CTCF: variants seen among roughly 807,000 people sequenced by gnomAD.
CTCF encodes the protein CCCTC-binding factor.
CTCF carries 7 observed loss-of-function variants against 72.3 expected under a neutral mutation model. That is an observed-to-expected ratio of 0.10 (90% CI 0.06 to 0.18). The LOEUF is 0.18. Ranked by LOEUF, CTCF falls within the 10% of genes least tolerant of loss-of-function variation. The probability of loss-of-function intolerance (pLI) is 1.00; values close to 1 mark genes in which losing one functional copy is unlikely to be tolerated. For synonymous variants in CTCF, 374 were observed against 315.8 expected, an observed-to-expected ratio of 1.18 and a Z score of -1.95; for missense variants, 516 against 949.1, an observed-to-expected ratio of 0.54 and a Z score of 6.00.
In CTCF at chr16:67,628,345, G is replaced by A. The variant is rs778926714; in HGVS notation, c.1519-25G>A. On this transcript the variant is annotated intron_variant, in intron 8 of 11. Coordinates refer to ENST00000264010, the MANE Select transcript of CTCF (RefSeq NM_006565.4). ...CAGTAGCCCCATGAGCAGGCTCTGA[G>A]GCCTTTCCCCCTATGCCGTTTCAGG... The A allele has an allele frequency of 6.2e-6, 10 of 1,605,672 alleles. No individual in the cohort carries two copies. The East Asian group carries it at 1.8e-4, about 29-fold the overall frequency.
At chr16:67,615,686 CCACCAGACTATA>C (rs1697265156) in intron 4 of CTCF, 1 of 152,158 alleles carries the variant, frequency 6.6e-6, no homozygotes, top group African/African-American at 2.4e-5. Flanking sequence ...CTTATCCATA[CCACCAGACTATA>C]CACTTTCACA....
intron 2 of CTCF, among the ~76,000 whole-genome samples, chr16:67,590,709 C>A (rs528030508): frequency 6.6e-6 from 1 of 151,550 alleles, no homozygotes; most frequent in South Asian, 2.1e-4. Flanking sequence ...GTAATCCTAG[C>A]ACTTTGGGAG....
chr16:67,572,225 G>A (rs1265089792), intron 2 of CTCF, among the ~76,000 whole-genome samples: 1 of 152,188 alleles, frequency 6.6e-6, no homozygotes, highest in Non-Finnish European at 1.5e-5. Flanking sequence ...TGGGCAACTT[G>A]TTATCCTGCT....
Position 67,638,106 on chromosome 16 carries a change from G to T in CTCF, c.*234G>T. The T allele has an allele frequency of 2.0e-6, 1 of 505,310 alleles. No individual in the cohort carries two copies. The highest frequency in any genetic ancestry group is 3.5e-6 in the Non-Finnish European group (1 of 283,608). The allele number at this position is 505,310 out of a possible 1,614,324, so 31.3% of individuals were successfully genotyped here. A position where few individuals can be genotyped will look rare whatever the true frequency, so the allele number is the denominator to read the frequency against. On this transcript the variant is annotated 3_prime_UTR_variant, in exon 12 of 12. Transcript: ENST00000264010. ...TGAGTCCCTGAGGGTTTACTGTGAAGTGCTGAGGACAGTGTTGACAACTAA... is the reference window on the plus strand; with the variant it reads ...TGAGTCCCTGAGGGTTTACTGTGAATTGCTGAGGACAGTGTTGACAACTAA...
chr16:67,594,494 G>A (rs2051785985), intron 2 of CTCF, among the ~76,000 whole-genome samples: 1 of 151,940 alleles, frequency 6.6e-6, no homozygotes, highest in Non-Finnish European at 1.5e-5. Context: ...TGAGCCCAGG[G>A]GTTCGAGAAC....
chr16:67,603,600 G>A (rs897206263), intron 2 of CTCF, among the ~76,000 whole-genome samples: 10 of 151,738 alleles, frequency 6.6e-5, no homozygotes, highest in East Asian at 1.9e-4. Context: ...CAAGGCGGGC[G>A]GATCAGGAGG....
intron 3 of CTCF, 50 bp downstream of exon 3, chr16:67,611,663 C>G: frequency 6.6e-7 from 1 of 1,521,782 alleles, no homozygotes; most frequent in Non-Finnish European, 9.0e-7. Flanking sequence ...TTGGGATAAG[C>G]ATACAACACA....
At chr16:67,585,127 C>T (rs1350111203) in intron 2 of CTCF, among the ~76,000 whole-genome samples, 1 of 152,130 alleles carries the variant, frequency 6.6e-6, no homozygotes, top group Non-Finnish European at 1.5e-5. Context: ...CTCACTGCAA[C>T]CTCCTCCTGC....
intron 2 of CTCF, among the ~76,000 whole-genome samples, chr16:67,608,286 T>C (rs1235445522): frequency 6.7e-6 from 1 of 148,932 alleles, no homozygotes; most frequent in Non-Finnish European, 1.5e-5. Context: ...ATCGTGCCAC[T>C]GCACCCTAGC....
chr16:67,566,861 G>C (rs923569665), intron 1 of CTCF, among the ~76,000 whole-genome samples: 1 of 151,806 alleles, frequency 6.6e-6, no homozygotes, highest in East Asian at 2.0e-4. Flanking sequence ...GTGAGCCACC[G>C]TGCCCGGCCT....
At chr16:67,586,994 C>T (rs1455765692) in intron 2 of CTCF, among the ~76,000 whole-genome samples, 4 of 151,856 alleles carry the variant, frequency 2.6e-5, no homozygotes, top group Admixed American at 6.6e-5. Context: ...AAGGTTTTGC[C>T]ATGTTGCTTA....
intron 10 of CTCF, among the ~76,000 whole-genome samples, chr16:67,629,835 C>T (rs1264803068): frequency 3.3e-5 from 4 of 121,530 alleles, no homozygotes; most frequent in African/African-American, 6.3e-5. Context: ...AGTGCACTGG[C>T]GCGATCTCGG....
At chr16:67,574,800 A>T (rs1179535815) in intron 2 of CTCF, among the ~76,000 whole-genome samples, 1 of 151,630 alleles carries the variant, frequency 6.6e-6, no homozygotes, top group African/African-American at 2.4e-5. Context: ...CTGAGACTAC[A>T]TGCGCCCACC....
intron 10 of CTCF, among the ~76,000 whole-genome samples, chr16:67,632,637 C>G (rs550216017): frequency 1.3e-3 from 85 of 67,258 alleles, no homozygotes; most frequent in African/African-American, 5.4e-3. Context: ...TCCTGTTAGC[C>G]TGCTTTTGTG....
At chr16:67,615,579 C>G (rs1366500697) in intron 4 of CTCF, 2 of 152,228 alleles carry the variant, frequency 1.3e-5, no homozygotes, top group African/African-American at 4.8e-5. Flanking sequence ...CCTATCACTG[C>G]ACTCCCACTG....
chr16:67,584,944 C>A (rs945085420), intron 2 of CTCF, among the ~76,000 whole-genome samples: 1 of 152,172 alleles, frequency 6.6e-6, no homozygotes, highest in South Asian at 2.1e-4. Flanking sequence ...TTTTTTAAAT[C>A]TCTTTTGACA....
chr16:67,563,363 C>T (rs2051303806), intron 1 of CTCF: 1 of 152,250 alleles, frequency 6.6e-6, no homozygotes, highest in African/African-American at 2.4e-5. Context: ...CGCGTCGCCG[C>T]CGCTGGTCTC....
At chr16:67,610,656 T>G in intron 2 of CTCF, 168 bp from the exon 3 acceptor site, 1 of 387,872 alleles carries the variant, frequency 2.6e-6, no homozygotes, top group Non-Finnish European at 4.4e-6. Flanking sequence ...ACCTGGCCAG[T>G]AGTGGTTGTT....
intron 2 of CTCF, among the ~76,000 whole-genome samples, chr16:67,598,304 A>C (rs1473178615): frequency 6.6e-6 from 1 of 152,178 alleles, no homozygotes; most frequent in African/African-American, 2.4e-5. Flanking sequence ...ATCTTCAAAT[A>C]GACCCTGCAC....
Sources: gnomAD v4.1 joint callset for allele counts (sites outside exome capture counted in the v4.1 genomes callset) on GRCh38, gnomAD v4.1.1 for gene constraint, MANE v1.5 for transcripts, NCBI Gene and HGNC (gene_info 2026-07-23, HGNC 2026-07-21) for gene names.